The following SOD2 variants were observed in gnomAD, a reference collection of about 807,000 sequenced individuals.
SOD2 encodes superoxide dismutase 2.
SOD2 carries 11 observed loss-of-function variants against 27.0 expected under a neutral mutation model. The ratio of observed to expected loss-of-function variants is 0.41; its 90% CI spans 0.26 to 0.67. SOD2 has a LOEUF of 0.67. Among genes scored for constraint, SOD2 ranks in the 30% least tolerant of loss-of-function variants. The probability of loss-of-function intolerance (pLI) is 0.34; values close to 1 mark genes in which losing one functional copy is unlikely to be tolerated. For missense variants in SOD2, 250 were observed against 274.5 expected (o/e 0.91, Z 0.63); for synonymous variants, 105 against 103.0 (o/e 1.02, Z -0.12).
intron 1 of SOD2, chr6:159,738,866 C>T: frequency 1.7e-6 from 1 of 585,568 alleles, no homozygotes. Context: ...AATACTTTTT[C>T]AAAAAATCAT....
At position 159,679,200 on chromosome 6, in the gene SOD2, A is replaced by G. The variant is rs1779846894; in HGVS notation, c.*3293T>C. The G allele has an allele frequency of 6.6e-6, 1 of 152,246 alleles. No individual in the cohort carries two copies. Among genetic ancestry groups the G allele is most frequent in the Non-Finnish European group, 1.5e-5 (1 of 68,044 alleles). 9.4% of individuals were successfully genotyped at this position (152,246 alleles called of 1,614,324 possible). ...ATGTTTCTTCAATGAATAATCAAACAAAAATTATCCAGGACCTTATAGGGT... is the reference window on the plus strand; with the variant it reads ...ATGTTTCTTCAATGAATAATCAAACGAAAATTATCCAGGACCTTATAGGGT... On this transcript the variant is annotated 3_prime_UTR_variant, in exon 5 of 5. Coordinates refer to ENST00000538183, the MANE Select transcript of SOD2 (RefSeq NM_000636.4).
chr6:159,748,272 T>G (rs1414286048), upstream of SOD2: 1 of 1,614,078 alleles, frequency 6.2e-7, no homozygotes, highest in South Asian at 1.1e-5. This position sits in a 1 kb window ranked among gnomAD's most constrained non-coding sequence, Gnocchi z 5.6. Context: ...AGCGATCAAC[T>G]TGTTTTTCCT....
chr6:159,727,129 T>C (rs1039554758), exon 1 of SOD2: 592 of 1,194,592 alleles, frequency 5.0e-4, no homozygotes, highest in Non-Finnish European at 5.8e-4. Context: ...CTTCCCTTAC[T>C]GAGCTTGCTG....
intron 2 of SOD2, chr6:159,691,637 C>T (rs2842959): frequency 0.43 from 65,883 of 151,590 alleles, 15,039 homozygotes; most frequent in Admixed American, 0.51. Context: ...TTGTAAAAAA[C>T]GTTAAAACAT....
chr6:159,699,801 G>T (rs572779970), intron 1 of SOD2, among the ~76,000 whole-genome samples: 1 of 152,228 alleles, frequency 6.6e-6, no homozygotes, highest in African/African-American at 2.4e-5. Flanking sequence ...GCACAACCCA[G>T]GGGCTGCACT....
rs756723535 is a variant in SOD2, at chr6:159,743,811, A to G, written c.-116+1319T>C. On this transcript the variant is annotated intron_variant, in intron 1 of 3. Coordinates refer to the SOD2 transcript ENST00000537657. ...GTGTACTGTAAGTATTTCAAGTTAT[A>G]TAAATGTCTTTAGTTGAGGAATTGG... 2.5e-5 allele frequency: 39 copies of G among 1,584,510 alleles called. No homozygotes were observed. In the African/African-American group the frequency reaches 3.4e-4, roughly 14 times the overall value.
chr6:159,692,587 C>T (rs753225413), intron 2 of SOD2, 74 bp downstream of exon 2: 1 of 1,592,652 alleles, frequency 6.3e-7, no homozygotes, highest in East Asian at 2.2e-5. Flanking sequence ...CGGAGAGGCC[C>T]GTCCGTATGG....
intron 1 of SOD2, among the ~76,000 whole-genome samples, chr6:159,710,059 T>A (rs980603960): frequency 1.5e-5 from 2 of 132,920 alleles, no homozygotes; most frequent in Non-Finnish European, 3.1e-5. Flanking sequence ...TAGGTGGGAA[T>A]TGAACAATTG....
upstream of SOD2, chr6:159,749,013 G>T (rs1383808844): frequency 9.9e-7 from 1 of 1,009,402 alleles, no homozygotes; most frequent in Non-Finnish European, 1.2e-6. Context: ...ATAGATGTCC[G>T]TACAAGTAGC....
chr6:159,719,823 AAGAG>A (rs1039772748), intron 1 of SOD2, among the ~76,000 whole-genome samples: 2 of 151,076 alleles, frequency 1.3e-5, no homozygotes, highest in Non-Finnish European at 1.5e-5. Context: ...TCCCGGGTTC[AAGAG>A]AGTCTCCTGC....
At chr6:159,761,588 G>T (rs1185235167) in exon 1 of SOD2, 1 of 455,988 alleles carries the variant, frequency 2.2e-6, no homozygotes, top group Non-Finnish European at 4.4e-6. Flanking sequence ...GACCCGCCGC[G>T]GGCCGGGCTC....
upstream of SOD2, chr6:159,730,887 T>G (rs1045804224): frequency 2.0e-5 from 3 of 152,008 alleles, no homozygotes; most frequent in Non-Finnish European, 4.4e-5. Flanking sequence ...CTACTCACCA[T>G]CAAACTTTTT....
chr6:159,732,801 G>A (rs936170836), intron 1 of SOD2, among the ~76,000 whole-genome samples: 1 of 151,990 alleles, frequency 6.6e-6, no homozygotes, highest in Non-Finnish European at 1.5e-5. Context: ...TCCAGCCTGG[G>A]CAACAGAGAC....
intron 1 of SOD2, among the ~76,000 whole-genome samples, chr6:159,739,824 C>CTTTTTTTTTTTTTTT (rs56389349): frequency 1.2e-5 from 1 of 85,158 alleles, no homozygotes; most frequent in Non-Finnish European, 2.2e-5. Flanking sequence ...CACTTTTTAC[C>CTTTTTTTTTTTTTTT]TTTTTTTTTT....
upstream of SOD2, among the ~76,000 whole-genome samples, chr6:159,697,998 G>C (rs553225228): frequency 6.6e-6 from 1 of 152,262 alleles, no homozygotes; most frequent in East Asian, 1.9e-4. Flanking sequence ...AAATTGGCAG[G>C]GCCCAGTGGC....
intron 1 of SOD2, chr6:159,712,802 G>T: frequency 1.8e-6 from 1 of 543,946 alleles, no homozygotes; most frequent in South Asian, 1.5e-5. Context: ...GGTTGGGTAA[G>T]CCCATCTCTC....
intron 1 of SOD2, chr6:159,726,758 G>C (rs533143777): frequency 3.1e-6 from 4 of 1,287,690 alleles, no homozygotes; most frequent in East Asian, 1.1e-4. Context: ...TGCGTCTCCA[G>C]AGATGTCAAG....
At chr6:159,727,478 G>T, upstream of SOD2, 5 of 993,688 alleles carry the variant, frequency 5.0e-6, no homozygotes, top group Non-Finnish European at 6.0e-6. Context: ...GTGCGGCGGG[G>T]CGGGGCCGGG....
upstream of SOD2, among the ~76,000 whole-genome samples, chr6:159,731,335 G>T (rs1441865826): frequency 6.6e-6 from 1 of 151,940 alleles, no homozygotes; most frequent in South Asian, 2.1e-4. Context: ...GGGCGTGGTG[G>T]TTCATGCCTG....
Sources: allele counts gnomAD v4.1 joint callset (sites outside exome capture counted in the v4.1 genomes callset), GRCh38; gene constraint gnomAD v4.1.1; non-coding constraint Gnocchi (gnomAD v3.1); transcripts MANE v1.5; gene names NCBI Gene and HGNC (gene_info 2026-07-23, HGNC 2026-07-21).